NFAT5: variants seen among roughly 807,000 people sequenced by gnomAD.
NFAT5 encodes the protein nuclear factor of activated T cells 5, also known as nuclear factor of activated T-cells 5.
A neutral mutation model predicts 166.5 loss-of-function variants in NFAT5; 31 were observed. The ratio of observed to expected loss-of-function variants is 0.19; its 90% CI spans 0.14 to 0.25. The LOEUF is 0.25. Ranked by LOEUF, NFAT5 falls within the 10% of genes least tolerant of loss-of-function variation. The probability of loss-of-function intolerance (pLI) is 1.00; values close to 1 mark genes in which losing one functional copy is unlikely to be tolerated. For missense variants in NFAT5, 1,449 were observed against 1,821.8 expected, an observed-to-expected ratio of 0.80 and a Z score of 3.72; for synonymous variants, 612 against 639.7, an observed-to-expected ratio of 0.96 and a Z score of 0.65.
intron 6 of NFAT5, among the ~76,000 whole-genome samples, chr16:69,657,837 G>A (rs1484002779): frequency 2.0e-5 from 3 of 149,226 alleles, no homozygotes; most frequent in African/African-American, 7.4e-5. Context: ...TGTAATCCCA[G>A]CACTTTGGGA....
At chr16:69,656,098 T>A (rs1202492975) in intron 6 of NFAT5, among the ~76,000 whole-genome samples, 6 of 152,042 alleles carry the variant, frequency 3.9e-5, no homozygotes, top group African/African-American at 9.7e-5. Context: ...CTGGCCAACA[T>A]GGTGAAACCC....
At chr16:69,579,220 T>A (rs1006096855) in intron 2 of NFAT5, among the ~76,000 whole-genome samples, 1 of 152,176 alleles carries the variant, frequency 6.6e-6, no homozygotes, top group African/African-American at 2.4e-5. Context: ...CATTTTTCTG[T>A]ATTCTTTTTT....
chr16:69,688,202 C>CAAAAAAAAAAAAAAAAAAAAAAAAAA (rs1188158260), intron 11 of NFAT5, among the ~76,000 whole-genome samples: 3 of 49,504 alleles, frequency 6.1e-5, no homozygotes, highest in African/African-American at 1.3e-4. Flanking sequence ...GACTCCGTCT[C>CAAAAAAAAAAAAAAAAAAAAAAAAAA]AAAAAAAAAA....
At chr16:69,592,134 C>T (rs2032500917) in intron 2 of NFAT5, among the ~76,000 whole-genome samples, 1 of 141,194 alleles carries the variant, frequency 7.1e-6, no homozygotes, top group African/African-American at 2.6e-5. Context: ...GGCTGGAGTG[C>T]AGTGGTGTGA....
At chr16:69,603,625 A>G (rs1421284016) in intron 2 of NFAT5, among the ~76,000 whole-genome samples, 1 of 152,068 alleles carries the variant, frequency 6.6e-6, no homozygotes, top group Admixed American at 6.6e-5. Flanking sequence ...GGTGATGTGT[A>G]CCTATGATCC....
chr16:69,573,042 C>G (rs2016532322), intron 2 of NFAT5, among the ~76,000 whole-genome samples: 1 of 152,100 alleles, frequency 6.6e-6, no homozygotes, highest in Non-Finnish European at 1.5e-5. Flanking sequence ...AGGGTTTCAC[C>G]ATGTTGGCCA....
chr16:69,638,775 T>G (rs373404542), intron 3 of NFAT5, among the ~76,000 whole-genome samples: 3 of 151,584 alleles, frequency 2.0e-5, no homozygotes, highest in South Asian at 2.1e-4. Flanking sequence ...TGAAGTAGAA[T>G]TGGCAGGAAT....
chr16:69,667,614 A>G (rs1185620955), intron 7 of NFAT5, among the ~76,000 whole-genome samples: 2 of 152,188 alleles, frequency 1.3e-5, no homozygotes, highest in Non-Finnish European at 2.9e-5. Context: ...GCCTTTAACA[A>G]ATAAATTTAA....
At chr16:69,674,335 C>T (rs1411300717) in intron 9 of NFAT5, among the ~76,000 whole-genome samples, 7 of 150,978 alleles carry the variant, frequency 4.6e-5, no homozygotes, top group Admixed American at 4.0e-4. Flanking sequence ...GTTTTCTGGT[C>T]TTCTGGTCCA....
At chr16:69,661,784 T>C (rs1172491243) in intron 7 of NFAT5, among the ~76,000 whole-genome samples, 1 of 152,116 alleles carries the variant, frequency 6.6e-6, no homozygotes, top group Non-Finnish European at 1.5e-5. Context: ...CATAGTTAAT[T>C]CAATGGATAG....
chr16:69,587,548 C>T lies in NFAT5; in HGVS notation c.127+19000C>T, dbSNP rs576342363. ...GGGACTACAGGCGCCGCCACTATGC[C>T]GGGCTAATTTTTATATTTTTAGTAG... On this transcript the variant is annotated intron_variant, in intron 2 of 14. Coordinates refer to ENST00000349945, the MANE Select transcript of NFAT5 (RefSeq NM_138713.4). Among the ~76,000 whole-genome samples the T allele has an allele frequency of 3.3e-5, 5 of 151,068 alleles. No homozygotes were observed. In the East Asian group the frequency reaches 9.8e-4, roughly 30 times the overall value.
chr16:69,607,647 A>G (rs1466409615), intron 2 of NFAT5, among the ~76,000 whole-genome samples: 1 of 152,232 alleles, frequency 6.6e-6, no homozygotes, highest in African/African-American at 2.4e-5. Context: ...CTTCTAGAGC[A>G]TAGCCACTGG....
chr16:69,610,484 A>G (rs970753659), intron 2 of NFAT5, among the ~76,000 whole-genome samples: 1 of 152,200 alleles, frequency 6.6e-6, no homozygotes, highest in Non-Finnish European at 1.5e-5. Flanking sequence ...TAAGCACATT[A>G]TTGAAATGCC....
At chr16:69,607,426 G>A (rs1043308294) in intron 2 of NFAT5, among the ~76,000 whole-genome samples, 2 of 152,120 alleles carry the variant, frequency 1.3e-5, no homozygotes, top group African/African-American at 4.8e-5. Context: ...CTTGAAATGC[G>A]TCCTAATTAT....
At chr16:69,574,225 A>G (rs2016608536) in intron 2 of NFAT5, among the ~76,000 whole-genome samples, 1 of 152,176 alleles carries the variant, frequency 6.6e-6, no homozygotes, top group Non-Finnish European at 1.5e-5. Flanking sequence ...ATTTTATATT[A>G]AGAGTAACAG....
chr16:69,668,542 T>A (rs1597508053), intron 7 of NFAT5, among the ~76,000 whole-genome samples: 1 of 152,196 alleles, frequency 6.6e-6, no homozygotes, highest in Admixed American at 6.5e-5. Context: ...TTGAAGGTAA[T>A]TTTACATAAT....
intron 2 of NFAT5, among the ~76,000 whole-genome samples, chr16:69,571,519 C>A (rs2016435604): frequency 6.6e-6 from 1 of 151,956 alleles, no homozygotes. Context: ...GTACTAACTC[C>A]CAATGGTATA....
At position 69,692,628 on chromosome 16, in the gene NFAT5, C is replaced by T. The variant is rs2037592994; in HGVS notation, c.2803C>T (p.Pro935Ser). The change falls in exon 13 of 15, where the codon CCT becomes TCT. Residue 935 changes from proline (P) to serine (S), a missense_variant. Around this residue, in one of 7 missense-constraint regions of NFAT5, gnomAD observed 891 missense variants for 993.0 expected, o/e 0.90. Transcript: ENST00000349945. ...TGCCCAGATTCAGTCAGAGTTATTC[C>T]CTTCAACTGCTTCAGCAAATGGAAA... is the stretch of plus-strand genomic sequence containing the variant. ...AAAQIQSELF[P>S]STASANGNLQ... 3 of 1,614,074 alleles carry T rather than the reference C, an allele frequency of 1.9e-6. No individual in the cohort carries two copies. In the Admixed American group the frequency reaches 5.0e-5, roughly 27 times the overall value.
chr16:69,639,568 T>TA (rs1031921043), intron 3 of NFAT5, among the ~76,000 whole-genome samples: 5 of 151,966 alleles, frequency 3.3e-5, no homozygotes, highest in Admixed American at 1.3e-4. Context: ...TTATTTTTTT[T>TA]AAAAAAATAG....
Sources: allele counts gnomAD v4.1 joint callset (sites outside exome capture counted in the v4.1 genomes callset), GRCh38; gene constraint gnomAD v4.1.1; regional missense constraint gnomAD v4.1.1; transcripts MANE v1.5; gene names NCBI Gene and HGNC (gene_info 2026-07-23, HGNC 2026-07-21).